The following RASGRF2 variants were observed in gnomAD, a reference collection of about 807,000 sequenced individuals.
RASGRF2 encodes the protein ras-specific guanine nucleotide-releasing factor 2.
A neutral mutation model predicts 151.0 loss-of-function variants in RASGRF2; 76 were observed. That is an observed-to-expected ratio of 0.50 (90% CI 0.42 to 0.61). RASGRF2 has a LOEUF of 0.61. RASGRF2 is among the 20% of genes least tolerant of loss of function. RASGRF2 has a pLI of 0.00. For synonymous variants in RASGRF2, 504 were observed against 566.5 expected, an observed-to-expected ratio of 0.89 and a Z score of 1.57; for missense variants, 1,148 against 1,564.6, an observed-to-expected ratio of 0.73 and a Z score of 4.49.
At chr5:80,961,071 C>T in intron 1 of RASGRF2, 45 bp downstream of exon 1, 1 of 1,407,048 alleles carries the variant, frequency 7.1e-7, no homozygotes, top group Non-Finnish European at 9.3e-7. Context: ...TTGATCGCCG[C>T]ACTCCCTTGC....
intron 1 of RASGRF2, among the ~76,000 whole-genome samples, chr5:81,005,558 G>A (rs1749242098): frequency 6.6e-6 from 1 of 152,004 alleles, no homozygotes; most frequent in Admixed American, 6.6e-5. Flanking sequence ...TCATATTGTA[G>A]CATATTTGTA....
At chr5:81,159,389 A>G (rs1212550537) in intron 17 of RASGRF2, among the ~76,000 whole-genome samples, 1 of 152,214 alleles carries the variant, frequency 6.6e-6, no homozygotes, top group Non-Finnish European at 1.5e-5. Flanking sequence ...TTCCGGTAAA[A>G]CCTTATTTAC....
intron 13 of RASGRF2, among the ~76,000 whole-genome samples, chr5:81,111,748 A>G (rs1753001169): frequency 1.3e-5 from 2 of 152,202 alleles, no homozygotes; most frequent in African/African-American, 4.8e-5. Flanking sequence ...TAGAAGGGGT[A>G]AATAAAAAGA....
At chr5:81,091,549 G>T (rs1038613042) in intron 9 of RASGRF2, among the ~76,000 whole-genome samples, 1 of 152,160 alleles carries the variant, frequency 6.6e-6, no homozygotes, top group Non-Finnish European at 1.5e-5. Flanking sequence ...AGATCCAGGC[G>T]TGGAAACTTG....
chr5:80,983,040 T>C (rs1298369562), intron 1 of RASGRF2, among the ~76,000 whole-genome samples: 1 of 152,236 alleles, frequency 6.6e-6, no homozygotes, highest in African/African-American at 2.4e-5. Flanking sequence ...TATGCTTCGG[T>C]ACCACTTTTT....
intron 15 of RASGRF2, among the ~76,000 whole-genome samples, chr5:81,116,113 C>G (rs1489570811): frequency 9.7e-6 from 1 of 103,290 alleles, no homozygotes; most frequent in South Asian, 3.5e-4. Context: ...GATGGAGTCT[C>G]ACTCTGTCTC....
intron 18 of RASGRF2, among the ~76,000 whole-genome samples, chr5:81,184,368 C>T (rs1754980206): frequency 6.6e-6 from 1 of 152,190 alleles, no homozygotes; most frequent in Non-Finnish European, 1.5e-5. Context: ...TGCGCGCAGA[C>T]AGATGGATGG....
At chr5:81,188,111 C>T (rs1345477827) in intron 18 of RASGRF2, among the ~76,000 whole-genome samples, 1 of 152,222 alleles carries the variant, frequency 6.6e-6, no homozygotes, top group Admixed American at 6.5e-5. Flanking sequence ...CCTGACGGCT[C>T]CTGGCCTGCT....
intron 12 of RASGRF2, among the ~76,000 whole-genome samples, chr5:81,106,847 C>T (rs1752860060): frequency 6.6e-6 from 1 of 152,172 alleles, no homozygotes; most frequent in South Asian, 2.1e-4. Flanking sequence ...ATGCTCACGA[C>T]TTACACGAAC....
intron 18 of RASGRF2, among the ~76,000 whole-genome samples, chr5:81,191,118 C>A (rs1413551424): frequency 6.6e-6 from 1 of 152,178 alleles, no homozygotes; most frequent in East Asian, 1.9e-4. Context: ...CTTGTTTGAT[C>A]CGACCAGGCC....
At chr5:81,089,337 CGT>C (rs139154322) in intron 9 of RASGRF2, among the ~76,000 whole-genome samples, 7 of 150,242 alleles carry the variant, frequency 4.7e-5, no homozygotes, top group Admixed American at 6.6e-5. Flanking sequence ...TTTCTATGTG[CGT>C]GTGTGTGTGT....
intron 1 of RASGRF2, among the ~76,000 whole-genome samples, chr5:80,963,367 G>C (rs6864969): frequency 0.015 from 2,263 of 152,256 alleles, 61 homozygotes; most frequent in African/African-American, 0.052. Context: ...GCTTGAAACA[G>C]GACTTAGTGA....
chr5:81,082,280 A>G (rs1450588118), intron 7 of RASGRF2, among the ~76,000 whole-genome samples: 1 of 152,172 alleles, frequency 6.6e-6, no homozygotes, highest in Non-Finnish European at 1.5e-5. Flanking sequence ...GAGGTGTCCA[A>G]ATACAGCGAA....
chr5:81,078,738 G>A (rs1752006481), intron 5 of RASGRF2, among the ~76,000 whole-genome samples: 1 of 152,140 alleles, frequency 6.6e-6, no homozygotes, highest in African/African-American at 2.4e-5. Flanking sequence ...AACCATCCAG[G>A]TATCAAAATA....
intron 18 of RASGRF2, among the ~76,000 whole-genome samples, chr5:81,181,859 T>C (rs913915677): frequency 1.3e-5 from 2 of 152,186 alleles, no homozygotes; most frequent in African/African-American, 2.4e-5. Context: ...TGCCCTCTTT[T>C]TCTAATTATC....
At chr5:81,119,993 G>T (rs1426816661) in intron 15 of RASGRF2, among the ~76,000 whole-genome samples, 1 of 151,892 alleles carries the variant, frequency 6.6e-6, no homozygotes, top group African/African-American at 2.4e-5. Flanking sequence ...ATCTAGGAGG[G>T]GCCCATGGCA....
At chr5:81,158,190 G>A (rs1754305804) in intron 17 of RASGRF2, among the ~76,000 whole-genome samples, 1 of 152,180 alleles carries the variant, frequency 6.6e-6, no homozygotes, top group African/African-American at 2.4e-5. Context: ...TAGATCAATG[G>A]AACTGAATTC....
chr5:81,133,244 G>A (rs1429526670), intron 17 of RASGRF2, among the ~76,000 whole-genome samples: 1 of 152,184 alleles, frequency 6.6e-6, no homozygotes, highest in Admixed American at 6.5e-5. Context: ...TGTATGTATT[G>A]CCACCCCGAT....
chr5:81,164,060 C>G (rs193111984), intron 17 of RASGRF2, among the ~76,000 whole-genome samples: 72 of 152,252 alleles, frequency 4.7e-4, no homozygotes, highest in African/African-American at 1.6e-3. Context: ...ACTTGTGAAG[C>G]TTAAATGAGC....
Sources: allele counts gnomAD v4.1 joint callset (sites outside exome capture counted in the v4.1 genomes callset), GRCh38; gene constraint gnomAD v4.1.1; transcripts MANE v1.5; gene names NCBI Gene and HGNC (gene_info 2026-07-23, HGNC 2026-07-21).